Variants in ATP13A3 observed in about 807,000 individuals in gnomAD.
The protein encoded by ATP13A3 is ATPase 13A3, also known as polyamine-transporting ATPase 13A3.
Under a neutral mutation model 158.1 loss-of-function variants are expected in ATP13A3, and 59 were observed. The observed-to-expected ratio is 0.37, with a 90% CI of 0.30 to 0.46. The LOEUF is 0.46. Ranked by LOEUF, ATP13A3 falls within the 20% of genes least tolerant of loss-of-function variation. ATP13A3 has a pLI of 1.00. For synonymous variants in ATP13A3, 491 were observed against 504.3 expected, an observed-to-expected ratio of 0.97 and a Z score of 0.35; for missense variants, 1,166 against 1,525.2, an observed-to-expected ratio of 0.76 and a Z score of 3.92.
chr3:194,476,473 A>G (rs1367268650), intron 2 of ATP13A3, among the ~76,000 whole-genome samples: 1 of 152,174 alleles, frequency 6.6e-6, no homozygotes, highest in Non-Finnish European at 1.5e-5. Context: ...AATGAGTATG[A>G]GTTGCCTAAA....
chr3:194,431,085 A>G lies in ATP13A3; in HGVS notation c.2544+19T>C. 1 of 1,613,546 alleles carries G rather than the reference A, an allele frequency of 6.2e-7. No individual in the cohort carries two copies. Among genetic ancestry groups the G allele is most frequent in the Admixed American group, 1.7e-5 (1 of 60,012 alleles). On this transcript the variant is annotated intron_variant, in intron 23 of 33. Transcript: ENST00000645319. ...GCGATGCATTCATGTGAGCACACAC[A>G]TACACCCAAATTACTTACCTTAGGA...
At position 194,465,854 on chromosome 3, in the gene ATP13A3, T is replaced by C. The variant is rs1383109967; in HGVS notation, c.-46-3618A>G. Among the ~76,000 whole-genome samples the C allele has an allele frequency of 3.3e-5, 5 of 151,634 alleles. No homozygotes were observed. The East Asian group carries it at 9.7e-4, about 29-fold the overall frequency. On this transcript the variant is annotated intron_variant, in intron 2 of 33. Transcript: ENST00000645319. ...AAAATTAGCCAGGGGTGGTGGTGCATGCCTGTAGTCCCAGCTACTCAGGAG... is the reference window on the plus strand; with the variant it reads ...AAAATTAGCCAGGGGTGGTGGTGCACGCCTGTAGTCCCAGCTACTCAGGAG...
At chr3:194,454,649 A>C (rs1439930047) in intron 8 of ATP13A3, among the ~76,000 whole-genome samples, 6 of 152,072 alleles carry the variant, frequency 3.9e-5, no homozygotes, top group African/African-American at 7.2e-5. Flanking sequence ...AACACGGTGA[A>C]ACCCTGTCTC....
chr3:194,431,973 C>T (rs1227273034), intron 21 of ATP13A3, 81 bp from the exon 22 acceptor site: 2 of 1,164,244 alleles, frequency 1.7e-6, no homozygotes, highest in African/African-American at 1.6e-5. Context: ...TGAGAATCTA[C>T]TACAGTCTCC....
At chr3:194,452,776 T>TA (rs1205362215) in intron 10 of ATP13A3, 1 of 152,142 alleles carries the variant, frequency 6.6e-6, no homozygotes, top group Non-Finnish European at 1.5e-5. Flanking sequence ...TACAAGCACT[T>TA]AATCAAAGAA....
At chr3:194,478,829 G>C (rs1050328915) in intron 2 of ATP13A3, among the ~76,000 whole-genome samples, 3 of 152,162 alleles carry the variant, frequency 2.0e-5, no homozygotes, top group Admixed American at 6.5e-5. Flanking sequence ...GACTGTGTAT[G>C]TGTAAGAGAG....
In ATP13A3 at chr3:194,431,706, C is replaced by T. The variant is rs1403118174; in HGVS notation, c.2421+11G>A. ...ACAAACTTTAAAACGGACAGTCGATCTTGACCTTACCTCTGGGTCAATTGC... is the reference window on the plus strand; with the variant it reads ...ACAAACTTTAAAACGGACAGTCGATTTTGACCTTACCTCTGGGTCAATTGC... On this transcript the variant is annotated intron_variant, in intron 22 of 33. Transcript: ENST00000645319. The T allele has an allele frequency of 3.3e-6, 5 of 1,536,972 alleles. No individual in the cohort carries two copies. The African/African-American group carries it at 7.0e-5, about 22-fold the overall frequency.
rs367870607 is a variant in ATP13A3 at position 194,405,931 on chromosome 3, G to A, written c.3759C>T (p.Ile1253=). Residue 1253 remains isoleucine (I), a synonymous_variant, in exon 34 of 34, where the codon ATC becomes ATT. Transcript: ENST00000645319. ...GACTGATTCACTGCTATGTTATGGT[G>A]ATGATTTGACATGATCCATTCTCCT... The part of the protein sequence containing the change: ...LVKENGSCQI[I]TIT 1.9e-5 allele frequency: 31 copies of A among 1,613,854 alleles called. No individual in the cohort carries two copies. The African/African-American group carries it at 3.3e-4, about 17-fold the overall frequency.
chr3:194,467,495 G>C (rs1720065561), intron 2 of ATP13A3, among the ~76,000 whole-genome samples: 1 of 152,026 alleles, frequency 6.6e-6, no homozygotes, highest in Admixed American at 6.6e-5. Flanking sequence ...TTAAGTCTTA[G>C]CAAATTTTAC....
In ATP13A3 at chr3:194,435,685, G is replaced by A. The variant is rs138450730; in HGVS notation, c.2120+1410C>T. Among the ~76,000 whole-genome samples the A allele has an allele frequency of 6.6e-3, 998 of 152,278 alleles. 2 individuals carry two copies. The highest frequency in any genetic ancestry group is 0.031 in the Middle Eastern group (9 of 294). ...GTACTTTGGGAGGCCAAGGCGGGCA[G>A]ATCACAAGGTCAGGAGTTCGAGACC... On this transcript the variant is annotated intron_variant, in intron 20 of 33. Coordinates refer to ENST00000645319, the MANE Select transcript of ATP13A3 (RefSeq NM_001367549.1).
intron 29 of ATP13A3, 139 bp downstream of exon 29, chr3:194,426,936 G>A (rs1716822289): frequency 8.5e-6 from 7 of 819,612 alleles, no homozygotes; most frequent in East Asian, 5.8e-5. Flanking sequence ...TACCTGCCTC[G>A]GCCTCCCCAA....
intron 2 of ATP13A3, chr3:194,467,927 C>G (rs1024404396): frequency 2.6e-5 from 4 of 152,084 alleles, no homozygotes; most frequent in African/African-American, 9.7e-5. Flanking sequence ...CGTTTTTTAA[C>G]CAAGTCAAAT....
At chr3:194,458,092 A>G (rs1373895133) in intron 6 of ATP13A3, among the ~76,000 whole-genome samples, 1 of 152,024 alleles carries the variant, frequency 6.6e-6, no homozygotes, top group South Asian at 2.1e-4. Context: ...CGCCTTAATT[A>G]TGCTTATTTT....
At chr3:194,461,485 T>C (rs1407362536) in intron 3 of ATP13A3, among the ~76,000 whole-genome samples, 1 of 152,228 alleles carries the variant, frequency 6.6e-6, no homozygotes, top group Non-Finnish European at 1.5e-5. Flanking sequence ...CCAAATGATT[T>C]ACTAATTGTC....
chr3:194,423,860 T>C (rs958710772), intron 30 of ATP13A3, among the ~76,000 whole-genome samples: 1 of 151,984 alleles, frequency 6.6e-6, no homozygotes, highest in Non-Finnish European at 1.5e-5. Flanking sequence ...ACAGTGTGGA[T>C]AGGGTAGATC....
rs1458193710 is a variant in ATP13A3, at chr3:194,462,229, G to C, written c.-39C>G. The C allele has an allele frequency of 1.9e-6, 3 of 1,571,014 alleles. No individual in the cohort carries two copies. In the African/African-American group the frequency reaches 4.1e-5, roughly 21 times the overall value. On this transcript the variant is annotated 5_prime_UTR_variant, in exon 3 of 34. Transcript: ENST00000645319. ...TAAAGGTCCAGTGCTTCAAACAATG[G>C]AAGATCACTGAGGGAAGAAAGGGAA...
At chr3:194,424,856 A>T (rs1716641192) in intron 30 of ATP13A3, among the ~76,000 whole-genome samples, 1 of 152,244 alleles carries the variant, frequency 6.6e-6, no homozygotes, top group African/African-American at 2.4e-5. Context: ...AGGTGAACAC[A>T]GGCCACACCA....
Position 194,427,195 on chromosome 3 carries a change from A to G in ATP13A3, c.3005T>C (p.Ile1002Thr), listed in dbSNP as rs767757351. 6.2e-7 allele frequency: 1 copy of G among 1,613,468 alleles called. No individual in the cohort carries two copies. Among genetic ancestry groups the G allele is most frequent in the Non-Finnish European group, 8.5e-7 (1 of 1,179,820 alleles). ...LVAQRPPSGL[I>T]SGALLFSVLS... ...AACGGAGAAGAGAAGGGCCCCAGAT[A>G]TAAGACCCGAAGGTGGTCTTTGTGC... Residue 1002 changes from isoleucine to threonine, a missense_variant, in exon 29 of 34, where the codon ATA becomes ACA. Transcript: ENST00000645319.
chr3:194,448,039 T>C lies in ATP13A3; in HGVS notation c.1151-30A>G, dbSNP rs61087590. On this transcript the variant is annotated intron_variant, in intron 12 of 33. Coordinates refer to ENST00000645319, the MANE Select transcript of ATP13A3 (RefSeq NM_001367549.1). The surrounding 1 kb of genome is among the most constrained non-coding windows in gnomAD (Gnocchi z 4.0). ...CAAAAAAAGAAGACAATTATTGATA[T>C]TTTTATAAGAAAATGAGAATTATCT... The C allele has an allele frequency of 6.5e-7, 1 of 1,543,872 alleles. No individual in the cohort carries two copies. Among genetic ancestry groups the C allele is most frequent in the Non-Finnish European group, 8.9e-7 (1 of 1,128,944 alleles).
Sources: allele counts gnomAD v4.1 joint callset (sites outside exome capture counted in the v4.1 genomes callset), GRCh38; gene constraint gnomAD v4.1.1; non-coding constraint Gnocchi (gnomAD v3.1); transcripts MANE v1.5; gene names NCBI Gene and HGNC (gene_info 2026-07-23, HGNC 2026-07-21).